The following PHKG1 variants were observed in gnomAD, a reference collection of about 807,000 sequenced individuals.
The protein encoded by PHKG1 is phosphorylase kinase catalytic subunit gamma 1.
A neutral mutation model predicts 50.5 loss-of-function variants in PHKG1; 48 were observed. The observed-to-expected ratio is 0.95, with a 90% confidence interval of 0.75 to 1.21. The LOEUF (loss-of-function observed/expected upper bound fraction) is 1.21, where lower values mean the gene tolerates loss of function less well. PHKG1 is among the 50% of genes most tolerant of loss of function. The probability of loss-of-function intolerance (pLI) is 0.00; values close to 1 mark genes in which losing one functional copy is unlikely to be tolerated. For missense variants in PHKG1, 487 were observed against 519.5 expected (o/e 0.94, Z 0.61); for synonymous variants, 204 against 212.8 (o/e 0.96, Z 0.36).
intron 2 of PHKG1, among the ~76,000 whole-genome samples, chr7:56,088,110 C>T (rs1191680856): frequency 1.4e-5 from 2 of 140,932 alleles, no homozygotes; most frequent in African/African-American, 2.6e-5. Flanking sequence ...TCTTAGCTCA[C>T]TGCAACCTCC....
chr7:56,081,427 T>TC lies in PHKG1; in HGVS notation c.919-129dup. 3 of 1,298,582 alleles carry TC rather than the reference T, an allele frequency of 2.3e-6. No homozygotes were observed. Among genetic ancestry groups the TC allele is most frequent in the Non-Finnish European group, 3.1e-6 (3 of 957,266 alleles). 80.4% of individuals were successfully genotyped at this position (1,298,582 alleles called of 1,614,324 possible). A position where few individuals can be genotyped will look rare whatever the true frequency, so the allele number is the denominator to read the frequency against. The stretch of plus-strand genomic sequence containing the variant: ...TGGCTTCTGCGGGGCCTTCCTAGTG[T>TC]CCCCCACTTCCCACTTGGCCAGCAT... On this transcript the variant is annotated intron_variant, in intron 9 of 9. Transcript: ENST00000297373. This position sits in a 1 kb window ranked among gnomAD's most constrained non-coding sequence, Gnocchi z 4.6.
At chr7:56,089,046 G>A in intron 1 of PHKG1, 71 bp from the exon 2 acceptor site, 1 of 707,576 alleles carries the variant, frequency 1.4e-6, no homozygotes, top group Middle Eastern at 2.5e-4. Context: ...GTCTGGAACT[G>A]TTTCTCACTC....
intron 2 of PHKG1, 43 bp downstream of exon 2, chr7:56,088,816 T>A: frequency 2.1e-6 from 3 of 1,400,828 alleles, no homozygotes; most frequent in Non-Finnish European, 3.0e-6. Context: ...CAGGGTCTGC[T>A]GGAGCCTAGG....
chr7:56,089,016 C>A, intron 1 of PHKG1, 41 bp from the exon 2 acceptor site: 1 of 967,298 alleles, frequency 1.0e-6, no homozygotes, highest in East Asian at 2.4e-5. Flanking sequence ...CTTCCTGACC[C>A]AGGGGCTGTT....
rs1160677314 is a variant in PHKG1 at position 56,082,147 on chromosome 7, T to G, written c.638+16A>C. On this transcript the variant is annotated intron_variant, in intron 7 of 9. Coordinates refer to ENST00000297373, the MANE Select transcript of PHKG1 (RefSeq NM_006213.5). ...CCCAGCCTAGCTGGGTGCTCCTCCT[T>G]TCCCGGCGCACTCACATGTCCACCT... The G allele has an allele frequency of 6.2e-7, 1 of 1,613,002 alleles. No homozygotes were observed. Among genetic ancestry groups the G allele is most frequent in the South Asian group, 1.1e-5 (1 of 91,020 alleles).
chr7:56,084,328 C>G, intron 4 of PHKG1: 1 of 735,100 alleles, frequency 1.4e-6, no homozygotes, highest in Non-Finnish European at 2.3e-6. Flanking sequence ...GAACCACTGG[C>G]CCAGGACCCC....
chr7:56,087,974 C>T (rs1405388719), intron 2 of PHKG1, among the ~76,000 whole-genome samples, 198 bp from the exon 3 acceptor site: 14 of 147,612 alleles, frequency 9.5e-5, no homozygotes, highest in Non-Finnish European at 1.8e-4. Context: ...AGTAACAAGC[C>T]TGCTCTCAGG....
chr7:56,083,186 A>AAT, intron 6 of PHKG1, 92 bp downstream of exon 6: 1 of 1,109,054 alleles, frequency 9.0e-7, no homozygotes, highest in Non-Finnish European at 1.3e-6. Flanking sequence ...GGGAACAATT[A>AAT]AGTTAGGGGA....
Position 56,081,832 on chromosome 7 carries a change from C to T in PHKG1, c.792+61G>A, listed in dbSNP as rs546618556. ...CATGTCAGGAAAGGCAGGGCCTCCC[C>T]GGGCAGGGGCGCCTGGCATCGCAGC... is the stretch of plus-strand genomic sequence containing the variant. On this transcript the variant is annotated intron_variant, in intron 8 of 9. Coordinates refer to ENST00000297373, the MANE Select transcript of PHKG1 (RefSeq NM_006213.5). This position sits in a 1 kb window ranked among gnomAD's most constrained non-coding sequence, Gnocchi z 4.6. 456 of 1,608,362 alleles carry T rather than the reference C, an allele frequency of 2.8e-4. 2 individuals carry two copies. In the African/African-American group the frequency reaches 4.6e-3, roughly 16 times the overall value.
At chr7:56,082,133 TG>T (rs764754022) in intron 7 of PHKG1, 29 bp downstream of exon 7, 1 of 1,612,924 alleles carries the variant, frequency 6.2e-7, no homozygotes, top group Admixed American at 1.7e-5. Context: ...CCAGCCTAGC[TG>T]GGTGCTCCTC....
In PHKG1 at chr7:56,081,742, A is replaced by G. The variant is rs753750195; in HGVS notation, c.806T>C (p.Leu269Pro). 3 of 1,613,604 alleles carry G rather than the reference A, an allele frequency of 1.9e-6. No homozygotes were observed. In the Admixed American group the frequency reaches 5.0e-5, roughly 27 times the overall value. ...GTAGCGGTTCTGGGGTTGCACCACC[A>G]GGAATCGGGAGACCTGTGAGAGGAG... ...DTVKDLVSRF[L>P]VVQPQNRYTA... Residue 269 changes from leucine (L) to proline (P), a missense_variant, in exon 9 of 10, where the codon CTG (leucine) becomes CCG (proline). Coordinates refer to ENST00000297373, the MANE Select transcript of PHKG1 (RefSeq NM_006213.5). The surrounding 1 kb of genome is among the most constrained non-coding windows in gnomAD (Gnocchi z 4.6).
Position 56,083,689 on chromosome 7 carries a change from T to G in PHKG1, c.344A>C (p.Tyr115Ser), listed in dbSNP as rs769138362. The stretch of plus-strand genomic sequence containing the variant: ...ACTCAAGGTGACCTTCTCAGTGAGG[T>G]AGTCAAAGAGCTCCCCTCTCTTCAT... ...DLMKRGELFDYLTEKVTLSEK... is the reference protein window; with the variant it reads ...DLMKRGELFDSLTEKVTLSEK... The change falls in exon 5 of 10, where the codon TAC becomes TCC. Residue 115 changes from tyrosine (Y) to serine (S), a missense_variant. By Grantham distance (144) the Tyr-to-Ser change is moderately radical. Coordinates refer to ENST00000297373, the MANE Select transcript of PHKG1 (RefSeq NM_006213.5). The G allele has an allele frequency of 1.3e-6, 2 of 1,584,204 alleles. No homozygotes were observed. Among genetic ancestry groups the G allele is most frequent in the Admixed American group, 1.8e-5 (1 of 56,718 alleles).
chr7:56,091,033 G>A (rs941253489), intron 1 of PHKG1, among the ~76,000 whole-genome samples: 2 of 152,006 alleles, frequency 1.3e-5, no homozygotes, highest in South Asian at 2.1e-4. Context: ...GCTACATGGC[G>A]AGACCCCATC....
chr7:56,082,009 C>T lies in PHKG1; in HGVS notation c.676G>A (p.Gly226Ser), dbSNP rs375990959. ...TTCCGGTGCCAGAAGGGCGGGGAGC[C>T]GGCCAGCAGCGTGTACATGATGACG... is the stretch of plus-strand genomic sequence containing the variant. ...TGVIMYTLLA[G>S]SPPFWHRKQM... is the part of the protein sequence containing the mutation. Residue 226 changes from glycine (G) to serine (S), a missense_variant, in exon 8 of 10, where the codon GGC becomes AGC. Coordinates refer to ENST00000297373, the MANE Select transcript of PHKG1 (RefSeq NM_006213.5). The T allele has an allele frequency of 2.4e-5, 38 of 1,613,768 alleles. No homozygotes were observed. Among genetic ancestry groups the T allele is most frequent in the Middle Eastern group, 1.6e-4 (1 of 6,084 alleles).
intron 4 of PHKG1, among the ~76,000 whole-genome samples, chr7:56,084,745 C>T (rs1796183565): frequency 6.6e-6 from 1 of 151,686 alleles, no homozygotes; most frequent in Non-Finnish European, 1.5e-5. Flanking sequence ...GCAAAGTTTG[C>T]CAATTACAGG....
chr7:56,091,142 A>T (rs1039339619), intron 1 of PHKG1, among the ~76,000 whole-genome samples: 13 of 152,042 alleles, frequency 8.6e-5, no homozygotes, highest in Non-Finnish European at 1.9e-4. Flanking sequence ...TGAACCCAGG[A>T]GGTGGGGTTG....
Position 56,081,427 on chromosome 7 carries a change from TC to T in PHKG1, c.919-129del. 2 of 1,298,582 alleles carry T rather than the reference TC, an allele frequency of 1.5e-6. No individual in the cohort carries two copies. The highest frequency in any genetic ancestry group is 2.1e-6 in the Non-Finnish European group (2 of 957,266). 80.4% of individuals were successfully genotyped at this position (1,298,582 alleles called of 1,614,324 possible). ...TGGCTTCTGCGGGGCCTTCCTAGTG[TC>T]CCCCACTTCCCACTTGGCCAGCATC... On this transcript the variant is annotated intron_variant, in intron 9 of 9. Coordinates refer to ENST00000297373, the MANE Select transcript of PHKG1 (RefSeq NM_006213.5). This position sits in a 1 kb window ranked among gnomAD's most constrained non-coding sequence, Gnocchi z 4.6.
chr7:56,081,921 TC>T lies in PHKG1; in HGVS notation c.763del (p.Asp255MetfsTer7), dbSNP rs760588653. 1 of 1,613,508 alleles carries T rather than the reference TC, an allele frequency of 6.2e-7. No individual in the cohort carries two copies. The highest frequency in any genetic ancestry group is 1.3e-5 in the African/African-American group (1 of 75,000). Reference sequence around the variant, plus strand: ...GTCCTTCACGGTGTCCGAGTAATCATCCCACTCGGGCGAGCCAAACTGGTAG... The same window carrying T: ...GTCCTTCACGGTGTCCGAGTAATCATCCACTCGGGCGAGCCAAACTGGTAG... ...GNYQFGSPEW[D>X]DYSDTVKDLV... is the part of the protein sequence containing the mutation. On this transcript the variant is annotated frameshift_variant, in exon 8 of 10. Coordinates refer to ENST00000297373, the MANE Select transcript of PHKG1 (RefSeq NM_006213.5). LOFTEE classifies it high-confidence loss of function. The surrounding 1 kb of genome is among the most constrained non-coding windows in gnomAD (Gnocchi z 4.6).
intron 4 of PHKG1, 79 bp downstream of exon 4, chr7:56,086,891 C>T: frequency 9.1e-7 from 1 of 1,096,758 alleles, no homozygotes; most frequent in Non-Finnish European, 1.4e-6. Context: ...CTGTGGTCTC[C>T]AGGCAGCCCT....
Sources: allele counts gnomAD v4.1 joint callset (sites outside exome capture counted in the v4.1 genomes callset), GRCh38; gene constraint gnomAD v4.1.1; non-coding constraint Gnocchi (gnomAD v3.1); transcripts MANE v1.5; gene names NCBI Gene and HGNC (gene_info 2026-07-23, HGNC 2026-07-21).